Variants in ZMAT5 observed in about 807,000 individuals in gnomAD.
ZMAT5 encodes zinc finger matrin-type protein 5.
A neutral mutation model predicts 28.0 loss-of-function variants in ZMAT5; 23 were observed. The observed-to-expected ratio is 0.82, with a 90% confidence interval of 0.59 to 1.16. The LOEUF (loss-of-function observed/expected upper bound fraction) is 1.16. Among genes scored for constraint, ZMAT5 ranks in the 50% most tolerant of loss-of-function variants. The pLI is 0.00. For missense variants in ZMAT5, 173 were observed against 212.7 expected (o/e 0.81, Z 1.16); for synonymous variants, 76 against 84.1 (o/e 0.90, Z 0.52).
intron 1 of ZMAT5, 55 bp downstream of exon 1, chr22:29,766,817 C>T (rs1398652797): frequency 6.5e-6 from 1 of 152,682 alleles, no homozygotes; most frequent in African/African-American, 2.4e-5. Flanking sequence ...GCCCTCGCCC[C>T]TCTATCCACA....
In ZMAT5 at chr22:29,761,961, C is replaced by A. The variant is rs140747322; in HGVS notation, c.-28+4911G>T. Among the ~76,000 whole-genome samples, 801 of 152,164 alleles carry A rather than the reference C, an allele frequency of 5.3e-3. 28 individuals carry two copies. The highest frequency in any genetic ancestry group is 0.046 in the Admixed American group (695 of 15,252). On this transcript the variant is annotated intron_variant, in intron 1 of 5. Coordinates refer to ENST00000344318, the MANE Select transcript of ZMAT5 (RefSeq NM_001003692.2). ...GTTTTTTTGTTTTTGTTCTTTTTAG[C>A]TCCCTAAACTAAGAGCCACTGACAT...
At chr22:29,751,821 G>C (rs1377641539) in intron 1 of ZMAT5, among the ~76,000 whole-genome samples, 1 of 152,198 alleles carries the variant, frequency 6.6e-6, no homozygotes, top group Non-Finnish European at 1.5e-5. Context: ...GCAAAAATCA[G>C]CTGAGTGTGG....
chr22:29,735,143 G>T (rs1177940256), intron 5 of ZMAT5, among the ~76,000 whole-genome samples: 1 of 152,150 alleles, frequency 6.6e-6, no homozygotes, highest in Non-Finnish European at 1.5e-5. Flanking sequence ...CAGGGGAGGG[G>T]CTCAAAGCCC....
intron 3 of ZMAT5, among the ~76,000 whole-genome samples, chr22:29,741,770 C>T (rs1192079500): frequency 6.6e-6 from 1 of 152,144 alleles, no homozygotes; most frequent in Non-Finnish European, 1.5e-5. Flanking sequence ...CTGCCTCAAC[C>T]TCCCTAGTAG....
rs903051599 is a variant in ZMAT5 at position 29,730,997 on chromosome 22, C to A, written c.*228G>T. The A allele has an allele frequency of 4.9e-6, 2 of 409,232 alleles. No individual in the cohort carries two copies. The highest frequency in any genetic ancestry group is 8.5e-6 in the Non-Finnish European group (2 of 234,564). 25.4% of individuals were successfully genotyped at this position (409,232 alleles called of 1,614,324 possible). On this transcript the variant is annotated 3_prime_UTR_variant, in exon 6 of 6. Transcript: ENST00000344318. ...CTTTATAAACATTTGGAAGTTTTCT[C>A]CCCCATCTTCTTAAGAAGCAGGGGG...
chr22:29,760,066 C>T (rs543352548), intron 1 of ZMAT5, among the ~76,000 whole-genome samples: 65 of 151,952 alleles, frequency 4.3e-4, no homozygotes, highest in African/African-American at 1.5e-3. Flanking sequence ...CTGGGAATGG[C>T]GGCACGAGCC....
chr22:29,748,332 T>C (rs1601723643), intron 2 of ZMAT5, 86 bp downstream of exon 2: 1 of 1,596,120 alleles, frequency 6.3e-7, no homozygotes, highest in Non-Finnish European at 8.6e-7. Context: ...AGACCTAGAC[T>C]GTCACTGACC....
At chr22:29,733,818 C>T (rs1449069073) in intron 5 of ZMAT5, among the ~76,000 whole-genome samples, 1 of 152,348 alleles carries the variant, frequency 6.6e-6, no homozygotes, top group East Asian at 1.9e-4. Flanking sequence ...CGTGCCCCTG[C>T]CTGCCCTGAG....
At chr22:29,756,345 C>G (rs560245858) in intron 1 of ZMAT5, among the ~76,000 whole-genome samples, 2 of 152,300 alleles carry the variant, frequency 1.3e-5, no homozygotes, top group African/African-American at 4.8e-5. Flanking sequence ...GGACCCTGTT[C>G]GGAAGGAAGC....
At chr22:29,746,805 C>T (rs190049086) in intron 2 of ZMAT5, 1 of 152,376 alleles carries the variant, frequency 6.6e-6, no homozygotes, top group East Asian at 1.9e-4. Flanking sequence ...CAGCTGTTGA[C>T]AGCTGAGAAT....
chr22:29,735,479 T>A (rs2067895585), intron 5 of ZMAT5, among the ~76,000 whole-genome samples: 2 of 152,108 alleles, frequency 1.3e-5, no homozygotes, highest in South Asian at 4.1e-4. Context: ...CCCAAAACAG[T>A]CACTGCCATC....
At position 29,731,004 on chromosome 22, in the gene ZMAT5, C is replaced by G. The variant is rs2067835919; in HGVS notation, c.*221G>C. ...AACATTTGGAAGTTTTCTCCCCCAT[C>G]TTCTTAAGAAGCAGGGGGGCAGGTG... On this transcript the variant is annotated 3_prime_UTR_variant, in exon 6 of 6. Transcript: ENST00000344318. 9.4e-6 allele frequency: 4 copies of G among 426,996 alleles called. No individual in the cohort carries two copies. Among genetic ancestry groups the G allele is most frequent in the East Asian group, 3.6e-5 (1 of 27,636 alleles). The allele number at this position is 426,996 out of a possible 1,614,324, so 26.5% of individuals were successfully genotyped here.
chr22:29,755,338 A>AGGGAGGGAGGGAGGGAGG, intron 1 of ZMAT5, among the ~76,000 whole-genome samples: 1 of 39,266 alleles, frequency 2.5e-5, no homozygotes, highest in Admixed American at 2.7e-4. Context: ...AGAGAGAGAG[A>AGGGAGGGAGGGAGGGAGG]GAGGGAGGGA....
In ZMAT5 at chr22:29,751,700, G is replaced by T. The variant is rs540516072; in HGVS notation, c.-27-3129C>A. ...CCCCACTCCTGATCACATAATGAAAGTCTCCTCCTTAATCCCAGCATTTTG... is the reference window on the plus strand; with the variant it reads ...CCCCACTCCTGATCACATAATGAAATTCTCCTCCTTAATCCCAGCATTTTG... On this transcript the variant is annotated intron_variant, in intron 1 of 5. Transcript: ENST00000344318. 2.0e-5 allele frequency among the ~76,000 whole-genome samples: 3 copies of T among 152,264 alleles called. No homozygotes were observed. The East Asian group carries it at 5.8e-4, about 29-fold the overall frequency.
At chr22:29,760,193 T>C (rs1402585500) in intron 1 of ZMAT5, among the ~76,000 whole-genome samples, 2 of 151,524 alleles carry the variant, frequency 1.3e-5, no homozygotes, top group African/African-American at 4.9e-5. Context: ...AGAGCGAGAT[T>C]CCGTCTCAAA....
At chr22:29,736,284 G>A (rs1040778457) in intron 5 of ZMAT5, among the ~76,000 whole-genome samples, 8 of 152,230 alleles carry the variant, frequency 5.3e-5, no homozygotes, top group African/African-American at 1.2e-4. Flanking sequence ...CCCTTTAGAC[G>A]GGACCCTTCA....
At chr22:29,745,708 G>A (rs2068003165) in intron 2 of ZMAT5, among the ~76,000 whole-genome samples, 1 of 152,260 alleles carries the variant, frequency 6.6e-6, no homozygotes, top group Non-Finnish European at 1.5e-5. Flanking sequence ...GTGACACCTG[G>A]GGACTGGTGC....
chr22:29,761,292 A>AAAAAG (rs2068155174), intron 1 of ZMAT5, among the ~76,000 whole-genome samples: 1 of 126,790 alleles, frequency 7.9e-6, no homozygotes, highest in Non-Finnish European at 1.7e-5. Flanking sequence ...AAAAAAAAAA[A>AAAAAG]TAGCTGTAGA....
At chr22:29,745,167 C>CGT (rs1424133908) in intron 2 of ZMAT5, among the ~76,000 whole-genome samples, 3 of 152,196 alleles carry the variant, frequency 2.0e-5, no homozygotes, top group Admixed American at 2.0e-4. Context: ...AAACATCTAG[C>CGT]GTGTAGCCAA....
Sources: gnomAD v4.1 joint callset for allele counts (sites outside exome capture counted in the v4.1 genomes callset) on GRCh38, gnomAD v4.1.1 for gene constraint, MANE v1.5 for transcripts, NCBI Gene and HGNC (gene_info 2026-07-23, HGNC 2026-07-21) for gene names.